The following CSMD1 variants were observed in gnomAD, a reference collection of about 807,000 sequenced individuals.
The protein encoded by CSMD1 is CUB and sushi domain-containing protein 1.
CSMD1 carries 213 observed loss-of-function variants against 417.5 expected under a neutral mutation model. The observed-to-expected ratio is 0.51, with a 90% CI of 0.46 to 0.57. The LOEUF (loss-of-function observed/expected upper bound fraction) is 0.57, where lower values mean the gene tolerates loss of function less well. Ranked by LOEUF, CSMD1 falls within the 20% of genes least tolerant of loss-of-function variation. The pLI is 0.00. For missense variants in CSMD1, 6,923 were observed against 4,529.7 expected (o/e 1.53, Z -15.17); for synonymous variants, 2,862 against 1,736.8 (o/e 1.65, Z -16.11).
chr8:3,049,613 C>A (rs528858823), intron 50 of CSMD1, among the ~76,000 whole-genome samples: 4 of 136,718 alleles, frequency 2.9e-5, no homozygotes, highest in African/African-American at 7.8e-5. Flanking sequence ...GCACAGGAGA[C>A]TTTAAGGGCC....
At chr8:4,164,985 T>C (rs1797372681) in intron 3 of CSMD1, among the ~76,000 whole-genome samples, 1 of 152,166 alleles carries the variant, frequency 6.6e-6, no homozygotes, top group Non-Finnish European at 1.5e-5. Context: ...TTATAATTAT[T>C]GTAGAGTTTC....
chr8:4,642,537 G>A (rs1353489346), intron 1 of CSMD1, among the ~76,000 whole-genome samples: 1 of 151,990 alleles, frequency 6.6e-6, no homozygotes. Flanking sequence ...AGGAGTGAAG[G>A]TATCATAAAC....
At chr8:4,139,921 G>A (rs1163535155) in intron 3 of CSMD1, among the ~76,000 whole-genome samples, 1 of 150,796 alleles carries the variant, frequency 6.6e-6, no homozygotes, top group South Asian at 2.1e-4. Flanking sequence ...ATCTTCAGAG[G>A]ATGGATAAAA....
chr8:4,971,945 A>G (rs1323776615), intron 1 of CSMD1, among the ~76,000 whole-genome samples: 1 of 152,080 alleles, frequency 6.6e-6, no homozygotes, highest in Non-Finnish European at 1.5e-5. Context: ...GGGAGCAAAC[A>G]TCATGCATTT....
chr8:3,842,189 T>G (rs897854992), intron 5 of CSMD1, among the ~76,000 whole-genome samples: 11 of 152,162 alleles, frequency 7.2e-5, no homozygotes, highest in African/African-American at 9.7e-5. Context: ...CTAGCATCAT[T>G]GTAATATTCC....
intron 3 of CSMD1, among the ~76,000 whole-genome samples, chr8:4,258,357 AGG>A (rs1451779689): frequency 1.2e-4 from 2 of 17,306 alleles, no homozygotes; most frequent in African/African-American, 5.2e-4. Flanking sequence ...GAGAAAGAGA[AGG>A]AGGGAAGGAG....
chr8:4,520,080 A>C (rs1007417217), intron 2 of CSMD1, among the ~76,000 whole-genome samples: 4 of 152,154 alleles, frequency 2.6e-5, no homozygotes, highest in Non-Finnish European at 5.9e-5. Context: ...ATAATTTTAC[A>C]GTATTGCATT....
At chr8:3,972,843 C>A (rs1813180358) in intron 5 of CSMD1, among the ~76,000 whole-genome samples, 1 of 152,006 alleles carries the variant, frequency 6.6e-6, no homozygotes, top group Admixed American at 6.6e-5. Flanking sequence ...TTGACATTTA[C>A]CTCAGAATCT....
At chr8:4,250,977 A>C (rs899461455) in intron 3 of CSMD1, among the ~76,000 whole-genome samples, 1 of 152,150 alleles carries the variant, frequency 6.6e-6, no homozygotes, top group African/African-American at 2.4e-5. Flanking sequence ...AGGTGAATTG[A>C]TTAGACACTG....
At chr8:4,489,533 G>C (rs1407859235) in intron 2 of CSMD1, among the ~76,000 whole-genome samples, 3 of 152,188 alleles carry the variant, frequency 2.0e-5, no homozygotes, top group Non-Finnish European at 2.9e-5. Flanking sequence ...TACTCTCAAT[G>C]ATTGTGTGGC....
intron 23 of CSMD1, among the ~76,000 whole-genome samples, chr8:3,321,714 C>A (rs1325168114): frequency 1.3e-5 from 2 of 152,064 alleles, no homozygotes; most frequent in Non-Finnish European, 2.9e-5. Context: ...GCTTTTGATT[C>A]AAATAAAGTA....
chr8:3,636,458 G>A (rs1232223928), intron 7 of CSMD1, among the ~76,000 whole-genome samples: 4 of 152,156 alleles, frequency 2.6e-5, no homozygotes, highest in Non-Finnish European at 4.4e-5. Flanking sequence ...GATTACAGGT[G>A]TGAGCCACCT....
At chr8:4,095,129 T>C (rs931116843) in intron 3 of CSMD1, among the ~76,000 whole-genome samples, 6 of 152,206 alleles carry the variant, frequency 3.9e-5, no homozygotes. Flanking sequence ...GGAAAGAACT[T>C]GGGAGGAAGA....
intron 5 of CSMD1, among the ~76,000 whole-genome samples, chr8:3,765,990 G>C (rs1018368190): frequency 6.6e-6 from 1 of 152,254 alleles, no homozygotes; most frequent in South Asian, 2.1e-4. Context: ...AGGTCAGGCA[G>C]AGAGGATCAT....
chr8:4,745,323 T>C (rs1253004759), intron 1 of CSMD1, among the ~76,000 whole-genome samples: 1 of 152,196 alleles, frequency 6.6e-6, no homozygotes, highest in East Asian at 1.9e-4. Context: ...CTGGTTTTAT[T>C]ACTAAGAGAA....
intron 3 of CSMD1, among the ~76,000 whole-genome samples, chr8:4,219,897 G>A (rs886475118): frequency 2.0e-5 from 3 of 152,128 alleles, no homozygotes; most frequent in Non-Finnish European, 2.9e-5. Flanking sequence ...AGGTGGAAAC[G>A]ATGTACTTGT....
chr8:3,099,157 C>T (rs183731391), intron 46 of CSMD1, among the ~76,000 whole-genome samples: 1 of 152,196 alleles, frequency 6.6e-6, no homozygotes, highest in East Asian at 1.9e-4. Flanking sequence ...AGCCAGCAGA[C>T]TTCACTCATC....
chr8:3,173,501 T>A (rs1820711885), intron 37 of CSMD1, among the ~76,000 whole-genome samples: 1 of 152,146 alleles, frequency 6.6e-6, no homozygotes, highest in South Asian at 2.1e-4. Context: ...TGAAGGTGGG[T>A]CTTAGGAAAA....
chr8:3,945,335 G>C (rs991850891), intron 5 of CSMD1, among the ~76,000 whole-genome samples: 3 of 151,944 alleles, frequency 2.0e-5, no homozygotes, highest in African/African-American at 7.2e-5. Context: ...AAATTACTAT[G>C]GACATAATGA....
Sources: gnomAD v4.1 joint callset for allele counts (sites outside exome capture counted in the v4.1 genomes callset) on GRCh38, gnomAD v4.1.1 for gene constraint, MANE v1.5 for transcripts, NCBI Gene and HGNC (gene_info 2026-07-23, HGNC 2026-07-21) for gene names.